The following ADAM12 variants were observed in gnomAD, a reference collection of about 807,000 sequenced individuals.
The protein encoded by ADAM12 is ADAM metallopeptidase domain 12.
In ADAM12, 70 loss-of-function variants were observed where a neutral mutation model predicts 106.4. That is an observed-to-expected ratio of 0.66 (90% confidence interval 0.54 to 0.80). The LOEUF is 0.80. ADAM12 is among the 30% of genes least tolerant of loss of function. The pLI is 0.00. For synonymous variants in ADAM12, 420 were observed against 433.5 expected, an observed-to-expected ratio of 0.97 and a Z score of 0.39; for missense variants, 1,010 against 1,171.9, an observed-to-expected ratio of 0.86 and a Z score of 2.02.
chr10:126,019,664 G>A, intron 22 of ADAM12, 31 bp downstream of exon 22: 3 of 1,604,744 alleles, frequency 1.9e-6, no homozygotes, highest in Non-Finnish European at 2.6e-6. Context: ...GTTTGAGAGA[G>A]AAAGAGATGG....
At chr10:126,110,890 C>T (rs1461470866) in intron 6 of ADAM12, among the ~76,000 whole-genome samples, 1 of 152,184 alleles carries the variant, frequency 6.6e-6, no homozygotes, top group Non-Finnish European at 1.5e-5. Flanking sequence ...GGTCTTTGGT[C>T]CTGATGACTG....
intron 2 of ADAM12, among the ~76,000 whole-genome samples, chr10:126,284,033 T>TA (rs1359944455): frequency 6.6e-6 from 1 of 152,138 alleles, no homozygotes; most frequent in Non-Finnish European, 1.5e-5. Flanking sequence ...CACCATTTGT[T>TA]AAAAGTCTAT....
chr10:126,186,606 T>C (rs192120254), intron 3 of ADAM12, among the ~76,000 whole-genome samples: 1 of 152,044 alleles, frequency 6.6e-6, no homozygotes, highest in Admixed American at 6.5e-5. Context: ...CTGTGTGACA[T>C]TTGGCTGAGT....
intron 3 of ADAM12, among the ~76,000 whole-genome samples, chr10:126,229,243 G>T (rs1372974947): frequency 6.6e-6 from 1 of 152,112 alleles, no homozygotes; most frequent in Non-Finnish European, 1.5e-5. Flanking sequence ...TCTAGGAGGG[G>T]AAATATTATC....
chr10:126,192,759 G>C (rs570601343), intron 3 of ADAM12, among the ~76,000 whole-genome samples: 13 of 152,170 alleles, frequency 8.5e-5, no homozygotes, highest in African/African-American at 3.1e-4. Context: ...TTAAAGCATG[G>C]AGGCCAGTGA....
At chr10:126,301,316 T>C (rs1960613981) in intron 2 of ADAM12, among the ~76,000 whole-genome samples, 1 of 152,212 alleles carries the variant, frequency 6.6e-6, no homozygotes, top group Admixed American at 6.5e-5. Flanking sequence ...TGTTATTTTA[T>C]TTATATATGC....
In ADAM12 at chr10:126,022,549, C is replaced by T. The variant is rs59743743; in HGVS notation, c.2530-2724G>A. Among the ~76,000 whole-genome samples the T allele has an allele frequency of 7.4e-3, 1,125 of 152,272 alleles. 14 individuals are homozygous for T. Among genetic ancestry groups the T allele is most frequent in the African/African-American group, 0.023 (965 of 41,546 alleles). On this transcript the variant is annotated intron_variant, in intron 21 of 22. Transcript: ENST00000448723. ...ACATTAGGCATGGAGGTGTGGAACC[C>T]ATGATGCAAGAAGCACCAGCTGCAC...
chr10:126,032,578 G>A (rs928432274), intron 21 of ADAM12, among the ~76,000 whole-genome samples: 1 of 152,078 alleles, frequency 6.6e-6, no homozygotes, highest in Admixed American at 6.6e-5. Context: ...CTGATAACAT[G>A]GTCTGTTAGC....
At chr10:126,211,958 G>A (rs925706517) in intron 3 of ADAM12, among the ~76,000 whole-genome samples, 4 of 152,218 alleles carry the variant, frequency 2.6e-5, no homozygotes, top group African/African-American at 9.6e-5. Context: ...TGCTTAGACT[G>A]GAGCAGTTGT....
chr10:126,251,310 C>CAA (rs1228788013), intron 3 of ADAM12, among the ~76,000 whole-genome samples: 1 of 152,180 alleles, frequency 6.6e-6, no homozygotes, highest in Non-Finnish European at 1.5e-5. Flanking sequence ...TGCCTGCAAT[C>CAA]AAAGAAACCT....
intron 8 of ADAM12, among the ~76,000 whole-genome samples, chr10:126,101,557 G>A (rs1353438834): frequency 6.6e-6 from 1 of 152,218 alleles, no homozygotes; most frequent in Non-Finnish European, 1.5e-5. Flanking sequence ...ACATACAGAT[G>A]TGTATTATAG....
intron 11 of ADAM12, among the ~76,000 whole-genome samples, chr10:126,092,648 T>A (rs1381731774): frequency 1.3e-5 from 2 of 152,208 alleles, no homozygotes; most frequent in African/African-American, 4.8e-5. Flanking sequence ...CATTACACAC[T>A]CACAAAGCAA....
At chr10:126,065,907 C>G (rs1055138586) in intron 13 of ADAM12, among the ~76,000 whole-genome samples, 1 of 152,086 alleles carries the variant, frequency 6.6e-6, no homozygotes, top group Non-Finnish European at 1.5e-5. Flanking sequence ...CCAGGGAGAG[C>G]CAGCTGCTTA....
chr10:126,099,979 T>C (rs1403670086), intron 9 of ADAM12, among the ~76,000 whole-genome samples: 1 of 129,356 alleles, frequency 7.7e-6, no homozygotes, highest in Non-Finnish European at 1.5e-5. Flanking sequence ...AGATTGTTCC[T>C]TTTTTTTTTA....
intron 21 of ADAM12, among the ~76,000 whole-genome samples, chr10:126,035,911 A>G (rs757602071): frequency 2.0e-5 from 3 of 152,126 alleles, no homozygotes; most frequent in Non-Finnish European, 4.4e-5. Flanking sequence ...TAACTATTCA[A>G]ATACTTAAAA....
chr10:126,078,714 T>A (rs1469349535), intron 11 of ADAM12, among the ~76,000 whole-genome samples: 2 of 152,138 alleles, frequency 1.3e-5, no homozygotes, highest in Non-Finnish European at 2.9e-5. Context: ...TATACTTTTT[T>A]TTGAATTTAA....
chr10:126,264,028 G>A (rs1351619604), intron 3 of ADAM12, among the ~76,000 whole-genome samples: 1 of 152,144 alleles, frequency 6.6e-6, no homozygotes, highest in Non-Finnish European at 1.5e-5. Flanking sequence ...TTTTTAGTAA[G>A]TTTTTAATGT....
chr10:126,334,005 C>A (rs903469097), intron 1 of ADAM12, among the ~76,000 whole-genome samples: 1 of 152,180 alleles, frequency 6.6e-6, no homozygotes, highest in Non-Finnish European at 1.5e-5. Flanking sequence ...GGCTGCACAA[C>A]AGCCCCTCAG....
At chr10:126,089,849 C>G (rs944033120) in intron 11 of ADAM12, among the ~76,000 whole-genome samples, 3 of 152,314 alleles carry the variant, frequency 2.0e-5, no homozygotes, top group South Asian at 2.1e-4. Flanking sequence ...TGGCCTCCCC[C>G]AAACCCCCAC....
Sources: gnomAD v4.1 joint callset for allele counts (sites outside exome capture counted in the v4.1 genomes callset) on GRCh38, gnomAD v4.1.1 for gene constraint, MANE v1.5 for transcripts, NCBI Gene and HGNC (gene_info 2026-07-23, HGNC 2026-07-21) for gene names.